FAM135B: variants seen among roughly 807,000 people sequenced by gnomAD.
FAM135B encodes the protein protein FAM135B.
In FAM135B, 43 loss-of-function variants were observed where a neutral mutation model predicts 127.7. The ratio of observed to expected loss-of-function variants is 0.34; its 90% CI spans 0.26 to 0.43. The LOEUF (loss-of-function observed/expected upper bound fraction) is 0.43. FAM135B is among the 20% of genes least tolerant of loss of function. The pLI is 1.00. For synonymous variants in FAM135B, 670 were observed against 665.1 expected (o/e 1.01, Z -0.11); for missense variants, 1,558 against 1,725.6 (o/e 0.90, Z 1.72).
chr8:138,320,788 T>C (rs1827399551), intron 2 of FAM135B, among the ~76,000 whole-genome samples: 2 of 152,294 alleles, frequency 1.3e-5, no homozygotes, highest in South Asian at 4.1e-4. Context: ...AATGAATAAG[T>C]GAAAATTCTA....
chr8:138,352,775 G>A (rs1829860810), intron 2 of FAM135B, among the ~76,000 whole-genome samples: 1 of 87,828 alleles, frequency 1.1e-5, no homozygotes, highest in Non-Finnish European at 2.2e-5. Flanking sequence ...GTTTCTTATG[G>A]TTCTATAGCT....
chr8:138,201,266 C>T (rs1367588098), intron 7 of FAM135B, among the ~76,000 whole-genome samples: 1 of 152,150 alleles, frequency 6.6e-6, no homozygotes, highest in Non-Finnish European at 1.5e-5. Flanking sequence ...TTAAAGGTAG[C>T]AAGGAATCTA....
chr8:138,442,030 G>C (rs989258197), intron 1 of FAM135B, among the ~76,000 whole-genome samples: 8 of 151,600 alleles, frequency 5.3e-5, no homozygotes, highest in Admixed American at 4.0e-4. Flanking sequence ...TGTATGTCAA[G>C]TTCTGTAAGT....
In FAM135B at chr8:138,243,479, A is replaced by G. The variant is rs1821023992; in HGVS notation, c.543-411T>C. 6.6e-6 allele frequency among the ~76,000 whole-genome samples: 1 copy of G among 152,070 alleles called. No individual in the cohort carries two copies. The highest frequency in any genetic ancestry group is 1.5e-5 in the Non-Finnish European group (1 of 68,018). ...CTTCCACCAACTCCTCCCTCCCTGG[A>G]CCTCTTTTCTTCTGTGGAAAAGCAT... On this transcript the variant is annotated intron_variant, in intron 6 of 19. Transcript: ENST00000395297. This position sits in a 1 kb window ranked among gnomAD's most constrained non-coding sequence, Gnocchi z 7.5.
At chr8:138,139,693 G>A (rs1189829792) in intron 17 of FAM135B, among the ~76,000 whole-genome samples, 10 of 152,204 alleles carry the variant, frequency 6.6e-5, no homozygotes, top group Non-Finnish European at 1.5e-4. Context: ...TTGAACCTGG[G>A]AGGCAGAGCT....
chr8:138,177,586 A>G (rs1244714985), intron 10 of FAM135B, among the ~76,000 whole-genome samples, 166 bp from the exon 11 acceptor site: 1 of 152,088 alleles, frequency 6.6e-6, no homozygotes. Context: ...ATTCCTCCAA[A>G]CTGATCTCTC....
intron 7 of FAM135B, among the ~76,000 whole-genome samples, chr8:138,209,859 G>A (rs1284216292): frequency 6.6e-6 from 1 of 152,146 alleles, no homozygotes; most frequent in Non-Finnish European, 1.5e-5. Flanking sequence ...TTCCAAAATA[G>A]CACAGCCTGG....
intron 14 of FAM135B, 34 bp from the exon 15 acceptor site, chr8:138,146,084 G>C (rs375736564): frequency 9.3e-7 from 1 of 1,070,076 alleles, no homozygotes. Flanking sequence ...TCCCAGTCCC[G>C]TAGTTAGTCA....
Position 138,152,790 on chromosome 8 carries a change from T to A in FAM135B, c.1685A>T (p.Asn562Ile), listed in dbSNP as rs759570588. 2 of 1,614,068 alleles carry A rather than the reference T, an allele frequency of 1.2e-6. No individual in the cohort carries two copies. Among genetic ancestry groups the A allele is most frequent in the South Asian group, 1.1e-5 (1 of 91,078 alleles). ...TYIDVKSSNK[N>I]PSRAEPLVAF... ...CACCAGGGGTTCAGCTCTGGAGGGG[T>A]TCTTATTGCTAGATTTTACGTCAAT... Residue 562 changes from asparagine (N) to isoleucine (I), a missense_variant, in exon 13 of 20, where the codon AAC becomes ATC. Physicochemically the swap from Asn to Ile is moderately radical, Grantham distance 149. Transcript: ENST00000395297.
At chr8:138,235,576 G>A (rs1820210053) in intron 7 of FAM135B, among the ~76,000 whole-genome samples, 1 of 152,176 alleles carries the variant, frequency 6.6e-6, no homozygotes, top group Non-Finnish European at 1.5e-5. Flanking sequence ...ATAGAAATGG[G>A]TATAAGAGAA....
intron 11 of FAM135B, among the ~76,000 whole-genome samples, chr8:138,174,501 T>G (rs867711867): frequency 6.6e-6 from 1 of 152,198 alleles, no homozygotes; most frequent in Admixed American, 6.5e-5. Context: ...TCTAGCAATC[T>G]TCTCAGTCTG....
intron 11 of FAM135B, among the ~76,000 whole-genome samples, chr8:138,176,297 G>C (rs545260654): frequency 4.8e-4 from 73 of 152,332 alleles, no homozygotes; most frequent in African/African-American, 1.7e-3. Flanking sequence ...AGTAACTCTG[G>C]AAAGAAGATT....
chr8:138,299,612 C>T (rs1450439744), intron 3 of FAM135B, among the ~76,000 whole-genome samples: 3 of 152,000 alleles, frequency 2.0e-5, no homozygotes, highest in Non-Finnish European at 2.9e-5. Context: ...CACACACCCA[C>T]GATCCAAATA....
rs189783198 is a variant in FAM135B, at chr8:138,262,759, G to A, written c.297+2944C>T. Among the ~76,000 whole-genome samples, 117 of 151,790 alleles carry A rather than the reference G, an allele frequency of 7.7e-4. 1 individual carries two copies. The highest frequency in any genetic ancestry group is 1.4e-3 in the Non-Finnish European group (94 of 67,956). On this transcript the variant is annotated intron_variant, in intron 4 of 19. Coordinates refer to ENST00000395297, the MANE Select transcript of FAM135B (RefSeq NM_015912.4). ...ACTAAAAATACAAAAAAAATTAGCC[G>A]GGCATGGTGGCGGGCCACTGTAATC...
intron 2 of FAM135B, among the ~76,000 whole-genome samples, chr8:138,324,665 G>C (rs916127792): frequency 1.3e-5 from 2 of 152,130 alleles, no homozygotes; most frequent in African/African-American, 4.8e-5. Flanking sequence ...CTGTATGGTG[G>C]AAACAAATAT....
chr8:138,310,995 A>T (rs1243340861), intron 2 of FAM135B, 75 bp from the exon 3 acceptor site: 2 of 1,213,622 alleles, frequency 1.6e-6, no homozygotes, highest in African/African-American at 1.5e-5. Flanking sequence ...CCTAGAATTA[A>T]TCCTGAAAGC....
chr8:138,400,953 G>A (rs1409694183), intron 1 of FAM135B, among the ~76,000 whole-genome samples: 2 of 152,184 alleles, frequency 1.3e-5, no homozygotes, highest in East Asian at 3.9e-4. Flanking sequence ...TAAGATCTCT[G>A]ATAAGATTGC....
intron 7 of FAM135B, among the ~76,000 whole-genome samples, chr8:138,237,801 C>A (rs1820419536): frequency 2.0e-5 from 3 of 152,186 alleles, no homozygotes; most frequent in African/African-American, 7.2e-5. Flanking sequence ...CCAGCCTACC[C>A]TGTAGACTTT....
intron 6 of FAM135B, among the ~76,000 whole-genome samples, chr8:138,249,864 G>A (rs1563819641): frequency 1.3e-5 from 2 of 152,212 alleles, no homozygotes; most frequent in Non-Finnish European, 2.9e-5. Flanking sequence ...TTTTGCCCAT[G>A]TGCATGTGTA....
Sources: gnomAD v4.1 joint callset for allele counts (sites outside exome capture counted in the v4.1 genomes callset) on GRCh38, gnomAD v4.1.1 for gene constraint, Gnocchi (gnomAD v3.1) non-coding constraint, MANE v1.5 for transcripts, NCBI Gene and HGNC (gene_info 2026-07-23, HGNC 2026-07-21) for gene names.